CASZ1: variants seen among roughly 807,000 people sequenced by gnomAD.
CASZ1 encodes the protein castor zinc finger 1.
A neutral mutation model predicts 135.2 loss-of-function variants in CASZ1; 28 were observed. That is an observed-to-expected ratio of 0.21 (90% CI 0.15 to 0.28). The LOEUF is 0.28. Ranked by LOEUF, CASZ1 falls within the 10% of genes least tolerant of loss-of-function variation. The pLI, the probability that CASZ1 is intolerant of heterozygous loss-of-function variation, is 1.00. For synonymous variants in CASZ1, 1,068 were observed against 1,073.4 expected, an observed-to-expected ratio of 0.99 and a Z score of 0.10; for missense variants, 2,161 against 2,453.3, an observed-to-expected ratio of 0.88 and a Z score of 2.52.
At chr1:10,664,398 C>T (rs1362509148) in intron 5 of CASZ1, among the ~76,000 whole-genome samples, 1 of 151,524 alleles carries the variant, frequency 6.6e-6, no homozygotes, top group Non-Finnish European at 1.5e-5. Flanking sequence ...AGGACATGGA[C>T]ATGGAGACAC....
intron 1 of CASZ1, among the ~76,000 whole-genome samples, chr1:10,785,341 G>A (rs927400367): frequency 8.2e-5 from 12 of 146,742 alleles, no homozygotes; most frequent in East Asian, 5.9e-4. Context: ...AAAAGCATCC[G>A]TTTAATTAGA....
At chr1:10,781,809 T>A (rs1640767707) in intron 1 of CASZ1, among the ~76,000 whole-genome samples, 1 of 152,202 alleles carries the variant, frequency 6.6e-6, no homozygotes, top group Admixed American at 6.5e-5. Context: ...CAACCCCAAG[T>A]GATAGGTGCT....
intron 2 of CASZ1, among the ~76,000 whole-genome samples, chr1:10,754,017 G>A (rs61054535): frequency 0.031 from 4,650 of 151,916 alleles, 239 homozygotes; most frequent in African/African-American, 0.1. Flanking sequence ...CTCTAGCCAC[G>A]CTGGTCTCCT....
In CASZ1 at chr1:10,651,014, C is replaced by T. The variant is rs967131513; in HGVS notation, c.2743G>A (p.Glu915Lys). ...TGGGGGCCTGGGGCGCCGGTGCTCT[C>T]ACCGGGTTCCGGCTTCACTTGGGCC... is the stretch of plus-strand genomic sequence containing the variant. ...PPAQVKPEPG[E>K]STGAPGPHEA... The change falls in exon 12 of 21, where the codon GAG becomes AAG. Residue 915 changes from glutamate (E) to lysine (K), a missense_variant. Glu to Lys is a moderately conservative substitution (Grantham distance 56). Coordinates refer to ENST00000377022, the MANE Select transcript of CASZ1 (RefSeq NM_001079843.3). The T allele has an allele frequency of 1.9e-6, 3 of 1,567,136 alleles. No homozygotes were observed. The African/African-American group carries it at 4.2e-5, about 22-fold the overall frequency.
Position 10,680,293 on chromosome 1 carries a change from G to A in CASZ1, c.16+13581C>T, listed in dbSNP as rs577938373. Among the ~76,000 whole-genome samples, 129 of 151,052 alleles carry A rather than the reference G, an allele frequency of 8.5e-4. 1 individual carries two copies. The highest frequency in any genetic ancestry group is 3.0e-3 in the African/African-American group (122 of 41,146). On this transcript the variant is annotated intron_variant, in intron 4 of 20. Transcript: ENST00000377022. The stretch of plus-strand genomic sequence containing the variant: ...GGCGGGGCGGCGGGGGATGGTGGAG[G>A]GGAGGGGGGTGCGAGGCCGGCTCTG...
intron 1 of CASZ1, among the ~76,000 whole-genome samples, chr1:10,771,684 TTCC>T (rs970591610): frequency 2.7e-5 from 4 of 148,590 alleles, no homozygotes; most frequent in African/African-American, 7.4e-5. Flanking sequence ...CCTCCTCCTC[TTCC>T]TCCTCCTCCT....
chr1:10,703,375 C>A (rs554713050), intron 3 of CASZ1, among the ~76,000 whole-genome samples: 1 of 152,222 alleles, frequency 6.6e-6, no homozygotes, highest in South Asian at 2.1e-4. Flanking sequence ...TGGTTCCCAC[C>A]CACCACCTAT....
At chr1:10,738,933 T>G (rs1178205515) in intron 2 of CASZ1, among the ~76,000 whole-genome samples, 5 of 149,842 alleles carry the variant, frequency 3.3e-5, no homozygotes, top group South Asian at 2.2e-4. Flanking sequence ...TTTTTTTTTT[T>G]TTTTTTTTTT....
intron 2 of CASZ1, among the ~76,000 whole-genome samples, chr1:10,734,964 G>A (rs1284535681): frequency 2.0e-5 from 3 of 152,082 alleles, no homozygotes; most frequent in Non-Finnish European, 2.9e-5. Context: ...CACCCAGTCC[G>A]GCTTTCCAGA....
At chr1:10,793,536 A>G (rs948384939) in intron 1 of CASZ1, among the ~76,000 whole-genome samples, 2 of 152,240 alleles carry the variant, frequency 1.3e-5, no homozygotes, top group African/African-American at 4.8e-5. Context: ...TTGATTTCTG[A>G]AAGAGATCAG....
rs1450976927 is a variant in CASZ1 at position 10,639,121 on chromosome 1, C to T, written c.5101G>A (p.Asp1701Asn). 12 of 1,155,804 alleles carry T rather than the reference C, an allele frequency of 1.0e-5. No homozygotes were observed. Among genetic ancestry groups the T allele is most frequent in the Non-Finnish European group, 1.3e-5 (12 of 916,238 alleles). The allele number at this position is 1,155,804 out of a possible 1,614,324, so 71.6% of individuals were successfully genotyped here. ...TCCTCGTCGTCGTCCTCGTCGTCGTCGTCCTCGTCGTCGTCCTCGTCCTCG... is the reference window on the plus strand; with the variant it reads ...TCCTCGTCGTCGTCCTCGTCGTCGTTGTCCTCGTCGTCGTCCTCGTCCTCG... Reference protein sequence around the residue: ...DDEDEDDDEDDDDEDDDEDDD... With the variant: ...DDEDEDDDEDNDDEDDDEDDD... Residue 1701 changes from aspartate to asparagine, a missense_variant, in exon 21 of 21, where the codon GAC becomes AAC. Transcript: ENST00000377022. This position sits in a 1 kb window ranked among gnomAD's most constrained non-coding sequence, Gnocchi z 4.0.
At position 10,642,868 on chromosome 1, in the gene CASZ1, T is replaced by C; in HGVS notation, c.4153A>G (p.Thr1385Ala). 6.2e-7 allele frequency: 1 copy of C among 1,612,720 alleles called. No homozygotes were observed. The highest frequency in any genetic ancestry group is 8.5e-7 in the Non-Finnish European group (1 of 1,179,802). The change falls in exon 20 of 21, where the codon ACC becomes GCC. Residue 1385 changes from threonine (T) to alanine (A), a missense_variant. Thr to Ala is a moderately conservative substitution (Grantham distance 58, BLOSUM62 0). Transcript: ENST00000377022. The stretch of plus-strand genomic sequence containing the variant: ...CCTGCCTGCCGCTCACCTGCCGCGG[T>C]GCTCTCGTTACCCACGGGGGTGCTG... ...CSSTPVGNES[T>A]AAGNTISMPT...
At chr1:10,760,038 A>T (rs937726113) in intron 2 of CASZ1, among the ~76,000 whole-genome samples, 1 of 152,188 alleles carries the variant, frequency 6.6e-6, no homozygotes, top group African/African-American at 2.4e-5. Context: ...ATCTGACAGT[A>T]CCAGCTCCAC....
At position 10,694,608 on chromosome 1, in the gene CASZ1, G is replaced by A; in HGVS notation, c.-23-696C>T. On this transcript the variant is annotated intron_variant, in intron 3 of 20. Coordinates refer to ENST00000377022, the MANE Select transcript of CASZ1 (RefSeq NM_001079843.3). This position sits in a 1 kb window ranked among gnomAD's most constrained non-coding sequence, Gnocchi z 6.6. The stretch of plus-strand genomic sequence containing the variant: ...CCCCGCCGCCGCCGCCGCCGCCGCC[G>A]CCGCCGCCGCCGCCCGGTGCGCCCG... 2 of 141,256 alleles carry A rather than the reference G, an allele frequency of 1.4e-5. No homozygotes were observed. The highest frequency in any genetic ancestry group is 2.0e-4 in the South Asian group (1 of 4,902). 8.8% of individuals were successfully genotyped at this position (141,256 alleles called of 1,614,324 possible). A position where few individuals can be genotyped will look rare whatever the true frequency, so the allele number is the denominator to read the frequency against.
At chr1:10,729,998 A>G (rs1243641580) in intron 2 of CASZ1, among the ~76,000 whole-genome samples, 2 of 152,116 alleles carry the variant, frequency 1.3e-5, no homozygotes, top group African/African-American at 2.4e-5. Context: ...TATTTTTAGT[A>G]GAGATGGGGT....
In CASZ1 at chr1:10,714,307, C is replaced by CAAAG. The variant is rs529676191; in HGVS notation, c.-76-8767_-76-8764dup. On this transcript the variant is annotated intron_variant, in intron 2 of 20. Transcript: ENST00000377022. ...TGGGCAACAGAACAAGACTCCATCT[C>CAAAG]AAAGAAAGAAAGAAAGAAAGAAAGG... Among the ~76,000 whole-genome samples the CAAAG allele has an allele frequency of 1.3e-3, 195 of 151,122 alleles. 2 individuals carry two copies. The highest frequency in any genetic ancestry group is 3.6e-3 in the African/African-American group (149 of 41,156).
At chr1:10,754,742 C>T (rs980505467) in intron 2 of CASZ1, among the ~76,000 whole-genome samples, 3 of 152,230 alleles carry the variant, frequency 2.0e-5, no homozygotes, top group African/African-American at 7.2e-5. Context: ...ACAGCTGCTG[C>T]CCGGGCCCAG....
rs888359004 is a variant in CASZ1, at chr1:10,709,288, C to T, written c.-76-3744G>A. ...GCCCATCCGCCCCCGCACTCCACTGCGTCTCCTTCCCCCTGCCCCCAGCCC... is the reference window on the plus strand; with the variant it reads ...GCCCATCCGCCCCCGCACTCCACTGTGTCTCCTTCCCCCTGCCCCCAGCCC... On this transcript the variant is annotated intron_variant, in intron 2 of 20. Coordinates refer to ENST00000377022, the MANE Select transcript of CASZ1 (RefSeq NM_001079843.3). The surrounding 1 kb of genome is among the most constrained non-coding windows in gnomAD (Gnocchi z 5.1). Among the ~76,000 whole-genome samples the T allele has an allele frequency of 5.9e-5, 9 of 152,184 alleles. 1 individual carries two copies. Among genetic ancestry groups the T allele is most frequent in the Admixed American group, 3.9e-4 (6 of 15,288 alleles).
chr1:10,780,855 A>G (rs1422238827), intron 1 of CASZ1, among the ~76,000 whole-genome samples: 1 of 152,204 alleles, frequency 6.6e-6, no homozygotes, highest in Non-Finnish European at 1.5e-5. Context: ...TACAATGGGA[A>G]TCGAACCACT....
Sources: allele counts gnomAD v4.1 joint callset (sites outside exome capture counted in the v4.1 genomes callset), GRCh38; gene constraint gnomAD v4.1.1; non-coding constraint Gnocchi (gnomAD v3.1); transcripts MANE v1.5; gene names NCBI Gene and HGNC (gene_info 2026-07-23, HGNC 2026-07-21).